The following ARID2 variants were observed in gnomAD, a reference collection of about 807,000 sequenced individuals.
ARID2 encodes the protein AT-rich interaction domain 2.
A neutral mutation model predicts 184.6 loss-of-function variants in ARID2; 32 were observed. The observed-to-expected ratio is 0.17, with a 90% confidence interval of 0.13 to 0.23. ARID2 has a LOEUF of 0.23. Among genes scored for constraint, ARID2 ranks in the 10% least tolerant of loss-of-function variants. The pLI is 1.00. For missense variants in ARID2, 1,696 were observed against 2,197.6 expected (o/e 0.77, Z 4.56); for synonymous variants, 836 against 772.6 (o/e 1.08, Z -1.36).
intron 11 of ARID2, among the ~76,000 whole-genome samples, chr12:45,845,036 A>G (rs1415686934): frequency 1.3e-5 from 2 of 152,230 alleles, no homozygotes; most frequent in Non-Finnish European, 2.9e-5. Flanking sequence ...GTCTTCAGGT[A>G]TCCTGAGGGC....
In ARID2 at chr12:45,851,282, C is replaced by T. The variant is rs1374112717; in HGVS notation, c.3159C>T (p.Ala1053=). 8.1e-6 allele frequency: 13 copies of T among 1,614,170 alleles called. No individual in the cohort carries two copies. The highest frequency in any genetic ancestry group is 9.3e-6 in the Non-Finnish European group (11 of 1,180,012). The change falls in exon 15 of 21, where the codon GCC becomes GCT. Residue 1053 remains alanine, a synonymous_variant. Transcript: ENST00000334344. ...CGAATGCAGGAGTTGGTCAGCCTGCCTCTGGTGAGTCGAGTCTGATTAAAC... is the reference window on the plus strand; with the variant it reads ...CGAATGCAGGAGTTGGTCAGCCTGCTTCTGGTGAGTCGAGTCTGATTAAAC... ...QQSNAGVGQP[A]SGESSLIKQL... is the part of the protein sequence containing the mutation.
intron 16 of ARID2, among the ~76,000 whole-genome samples, chr12:45,888,601 A>G (rs941413083): frequency 3.3e-5 from 5 of 152,180 alleles, no homozygotes; most frequent in African/African-American, 1.2e-4. Flanking sequence ...TACCACCACT[A>G]CTGCTACTAT....
At chr12:45,880,973 T>C (rs1944090542) in intron 16 of ARID2, 1 of 201,122 alleles carries the variant, frequency 5.0e-6, no homozygotes, top group South Asian at 9.7e-5. Flanking sequence ...TTCCTGCCAA[T>C]ATAAAAGATT....
At chr12:45,754,444 G>A (rs1941524871) in intron 3 of ARID2, among the ~76,000 whole-genome samples, 1 of 152,190 alleles carries the variant, frequency 6.6e-6, no homozygotes, top group Non-Finnish European at 1.5e-5. Context: ...TTAGTTAGTA[G>A]AATTAGATCC....
At chr12:45,746,868 G>A (rs1386834343) in intron 3 of ARID2, among the ~76,000 whole-genome samples, 2 of 152,132 alleles carry the variant, frequency 1.3e-5, no homozygotes, top group African/African-American at 2.4e-5. Flanking sequence ...CCGGGTTCAC[G>A]CCATTCTCCT....
chr12:45,787,435 G>A (rs1300338560), intron 3 of ARID2, among the ~76,000 whole-genome samples: 3 of 151,590 alleles, frequency 2.0e-5, no homozygotes, highest in Non-Finnish European at 4.4e-5. Flanking sequence ...GGGTTTCACT[G>A]TGTTGCCCAG....
chr12:45,833,097 T>C (rs1410451387), intron 6 of ARID2, among the ~76,000 whole-genome samples: 1 of 152,248 alleles, frequency 6.6e-6, no homozygotes, highest in African/African-American at 2.4e-5. Flanking sequence ...TATTTTCTAT[T>C]GTTATGCATT....
At position 45,850,310 on chromosome 12, in the gene ARID2, T is replaced by C. The variant is rs2138160755; in HGVS notation, c.2187T>C (p.Pro729=). 5 of 1,614,128 alleles carry C rather than the reference T, an allele frequency of 3.1e-6. No homozygotes were observed. The highest frequency in any genetic ancestry group is 4.2e-6 in the Non-Finnish European group (5 of 1,179,978). ...IQNSIPQTGV[P]VSIAVGGGPP... ...ATTCCATACCCCAGACAGGAGTTCC[T>C]GTTAGTATTGCTGTTGGAGGAGGAC... The change falls in exon 15 of 21, where the codon CCT becomes CCC. Residue 729 remains proline, a synonymous_variant. Transcript: ENST00000334344.
At chr12:45,804,430 G>C (rs1464180518) in intron 3 of ARID2, among the ~76,000 whole-genome samples, 1 of 151,704 alleles carries the variant, frequency 6.6e-6, no homozygotes, top group Admixed American at 6.6e-5. Context: ...TTATAGTCTT[G>C]GGTTGTGGTG....
intron 20 of ARID2, among the ~76,000 whole-genome samples, chr12:45,896,097 TGTGA>T (rs1012522753): frequency 3.3e-5 from 5 of 152,176 alleles, no homozygotes; most frequent in Admixed American, 1.3e-4. Flanking sequence ...TCCAGTTATG[TGTGA>T]GTGACACGAG....
At chr12:45,739,483 C>T (rs1311865888) in intron 3 of ARID2, among the ~76,000 whole-genome samples, 14 of 109,070 alleles carry the variant, frequency 1.3e-4, no homozygotes, top group Admixed American at 1.0e-3. Flanking sequence ...CTGGCTCTGT[C>T]GCCCAGGCTG....
intron 16 of ARID2, among the ~76,000 whole-genome samples, chr12:45,889,893 G>A (rs891821322): frequency 1.3e-5 from 2 of 152,204 alleles, no homozygotes; most frequent in South Asian, 2.1e-4. Context: ...AGTCGAGATC[G>A]CACCATTGCT....
rs556939466 is a variant in ARID2 at position 45,876,382 on chromosome 12, T to G, written c.4923-15398T>G. On this transcript the variant is annotated intron_variant, in intron 16 of 20. Transcript: ENST00000334344. ...CCTGACCAACATGGAGAAACCCTGT[T>G]TCTCCTAAAAATACAAAATTAGCCA... Among the ~76,000 whole-genome samples, 3 of 151,910 alleles carry G rather than the reference T, an allele frequency of 2.0e-5. No individual in the cohort carries two copies. In the South Asian group the frequency reaches 6.2e-4, roughly 32 times the overall value.
Position 45,872,045 on chromosome 12 carries a change from A to T in ARID2, c.4922+11096A>T, listed in dbSNP as rs556259728. 6.0e-5 allele frequency among the ~76,000 whole-genome samples: 9 copies of T among 151,084 alleles called. No homozygotes were observed. In the East Asian group the frequency reaches 1.6e-3, roughly 26 times the overall value. On this transcript the variant is annotated intron_variant, in intron 16 of 20. Coordinates refer to ENST00000334344, the MANE Select transcript of ARID2 (RefSeq NM_152641.4). ...GCTACAGGTTTATGTATTTTATTGA[A>T]TTTTTTTTCCCCCAAAGAACCAGCT...
chr12:45,844,569 T>A (rs1008180417), intron 11 of ARID2, among the ~76,000 whole-genome samples: 1 of 152,200 alleles, frequency 6.6e-6, no homozygotes, highest in Admixed American at 6.5e-5. Flanking sequence ...AATACCTTGG[T>A]TAAGAGGCTT....
chr12:45,843,839 A>G (rs1943395611), intron 11 of ARID2, among the ~76,000 whole-genome samples: 1 of 152,186 alleles, frequency 6.6e-6, no homozygotes, highest in Non-Finnish European at 1.5e-5. Context: ...AGTTTTTATT[A>G]ACAAAAGTCT....
At chr12:45,815,063 C>G (rs1428967196) in intron 4 of ARID2, among the ~76,000 whole-genome samples, 1 of 152,122 alleles carries the variant, frequency 6.6e-6, no homozygotes, top group African/African-American at 2.4e-5. Context: ...AATGGAATAT[C>G]TGTCATTTTA....
At chr12:45,834,844 A>G (rs1943187515) in intron 6 of ARID2, among the ~76,000 whole-genome samples, 1 of 152,126 alleles carries the variant, frequency 6.6e-6, no homozygotes, top group South Asian at 2.1e-4. Context: ...ACGTTTCCAC[A>G]GCTTTTTTCT....
At chr12:45,737,182 G>C (rs1185613827) in intron 3 of ARID2, among the ~76,000 whole-genome samples, 1 of 152,070 alleles carries the variant, frequency 6.6e-6, no homozygotes, top group Non-Finnish European at 1.5e-5. Flanking sequence ...TGATGTCCAG[G>C]AATAGCTATC....
Sources: gnomAD v4.1 joint callset for allele counts (sites outside exome capture counted in the v4.1 genomes callset) on GRCh38, gnomAD v4.1.1 for gene constraint, MANE v1.5 for transcripts, NCBI Gene and HGNC (gene_info 2026-07-23, HGNC 2026-07-21) for gene names.